KCNH7: variants seen among roughly 807,000 people sequenced by gnomAD.
The protein encoded by KCNH7 is voltage-gated inwardly rectifying potassium channel KCNH7.
Under a neutral mutation model 120.8 loss-of-function variants are expected in KCNH7, and 49 were observed. That is an observed-to-expected ratio of 0.41 (90% CI 0.32 to 0.51). The LOEUF (loss-of-function observed/expected upper bound fraction) is 0.51. Ranked by LOEUF, KCNH7 falls within the 20% of genes least tolerant of loss-of-function variation. The probability of loss-of-function intolerance (pLI) is 0.38; values close to 1 mark genes in which losing one functional copy is unlikely to be tolerated. For synonymous variants in KCNH7, 547 were observed against 516.1 expected, an observed-to-expected ratio of 1.06 and a Z score of -0.81; for missense variants, 1,097 against 1,446.6, an observed-to-expected ratio of 0.76 and a Z score of 3.92.
chr2:162,509,723 C>T (rs1049754865), intron 5 of KCNH7, among the ~76,000 whole-genome samples: 2 of 151,582 alleles, frequency 1.3e-5, no homozygotes, highest in Non-Finnish European at 3.0e-5. Flanking sequence ...ATGGCCAAGG[C>T]AGCCTATGAG....
chr2:162,525,612 T>C (rs1691673894), intron 3 of KCNH7, among the ~76,000 whole-genome samples: 1 of 152,030 alleles, frequency 6.6e-6, no homozygotes, highest in Non-Finnish European at 1.5e-5. Context: ...ATACCCATAC[T>C]TTCTTTTTGA....
intron 2 of KCNH7, among the ~76,000 whole-genome samples, chr2:162,553,465 T>G (rs1460280030): frequency 6.6e-6 from 1 of 151,922 alleles, no homozygotes; most frequent in East Asian, 1.9e-4. Context: ...CTGGCTAACA[T>G]GGTGAAACCC....
chr2:162,374,842 G>A (rs967176784), intron 14 of KCNH7, among the ~76,000 whole-genome samples: 5 of 151,856 alleles, frequency 3.3e-5, no homozygotes, highest in African/African-American at 1.2e-4. Flanking sequence ...TAAACCAATA[G>A]CTATGAATGA....
chr2:162,726,931 TA>T (rs933203653), intron 2 of KCNH7, among the ~76,000 whole-genome samples: 2 of 152,190 alleles, frequency 1.3e-5, no homozygotes, highest in Non-Finnish European at 2.9e-5. Context: ...TGGGAAGTGG[TA>T]CATAAGAACT....
intron 2 of KCNH7, among the ~76,000 whole-genome samples, chr2:162,695,220 G>A (rs1176440456): frequency 2.0e-5 from 3 of 152,254 alleles, no homozygotes; most frequent in African/African-American, 7.2e-5. Flanking sequence ...AGTTGGAAAC[G>A]TATCGGTTGG....
chr2:162,372,982 T>C (rs1422681067), intron 15 of KCNH7, among the ~76,000 whole-genome samples: 1 of 152,184 alleles, frequency 6.6e-6, no homozygotes, highest in African/African-American at 2.4e-5. Flanking sequence ...ACTAGTCTGA[T>C]GGCATTTGAA....
At chr2:162,744,643 G>A (rs974342239) in intron 2 of KCNH7, among the ~76,000 whole-genome samples, 3 of 141,812 alleles carry the variant, frequency 2.1e-5, no homozygotes, top group African/African-American at 7.9e-5. Flanking sequence ...CGTGATCTCC[G>A]CTTACTGCAA....
At chr2:162,804,619 C>T (rs1167626423) in intron 2 of KCNH7, among the ~76,000 whole-genome samples, 2 of 151,940 alleles carry the variant, frequency 1.3e-5, no homozygotes, top group Admixed American at 6.6e-5. Flanking sequence ...AATGGAAACA[C>T]AACCCATGCT....
At chr2:162,437,239 C>G (rs1688270318) in intron 7 of KCNH7, among the ~76,000 whole-genome samples, 2 of 151,990 alleles carry the variant, frequency 1.3e-5, no homozygotes, top group African/African-American at 2.4e-5. Context: ...GTATTGGAAC[C>G]CTTTAAAGTT....
intron 2 of KCNH7, among the ~76,000 whole-genome samples, chr2:162,773,029 G>A (rs889747277): frequency 4.6e-5 from 7 of 152,168 alleles, no homozygotes; most frequent in African/African-American, 1.7e-4. Flanking sequence ...CAAATGATAA[G>A]TTCACCTCAA....
At chr2:162,400,913 A>T (rs1169485595) in intron 9 of KCNH7, among the ~76,000 whole-genome samples, 1 of 151,980 alleles carries the variant, frequency 6.6e-6, no homozygotes, top group Non-Finnish European at 1.5e-5. Context: ...ACCCTGAAAT[A>T]GTCATGGTAT....
Position 162,406,509 on chromosome 2 carries a change from C to T in KCNH7, c.2155-6068G>A, listed in dbSNP as rs536281926. ...TGACTTTGGCGGCTGTGATAACTGA[C>T]ATTAGGAAATTTTCTAGGGAAATTT... is the stretch of plus-strand genomic sequence containing the variant. On this transcript the variant is annotated intron_variant, in intron 9 of 15. Coordinates refer to ENST00000332142, the MANE Select transcript of KCNH7 (RefSeq NM_033272.4). Among the ~76,000 whole-genome samples, 4 of 151,948 alleles carry T rather than the reference C, an allele frequency of 2.6e-5. No homozygotes were observed. The South Asian group carries it at 8.3e-4, about 32-fold the overall frequency.
intron 2 of KCNH7, among the ~76,000 whole-genome samples, chr2:162,642,392 T>C (rs1684191830): frequency 6.6e-6 from 1 of 152,212 alleles, no homozygotes; most frequent in Admixed American, 6.5e-5. Flanking sequence ...GTACAGCCCT[T>C]AAGTTAATTC....
intron 2 of KCNH7, among the ~76,000 whole-genome samples, chr2:162,809,145 CAT>C (rs1684646904): frequency 6.6e-6 from 1 of 152,164 alleles, no homozygotes; most frequent in African/African-American, 2.4e-5. Flanking sequence ...GACAACATAA[CAT>C]TAAATATATA....
chr2:162,464,718 C>A (rs1395553133), intron 6 of KCNH7, among the ~76,000 whole-genome samples: 1 of 151,978 alleles, frequency 6.6e-6, no homozygotes, highest in Non-Finnish European at 1.5e-5. Flanking sequence ...TGTGACAGTT[C>A]ATCAAATTTT....
chr2:162,486,985 T>C (rs755666762), intron 6 of KCNH7, among the ~76,000 whole-genome samples: 2 of 152,204 alleles, frequency 1.3e-5, no homozygotes, highest in Non-Finnish European at 2.9e-5. Context: ...GGGAGACAAG[T>C]ATTCTGCAAG....
intron 6 of KCNH7, among the ~76,000 whole-genome samples, chr2:162,456,578 G>T (rs781282362): frequency 6.6e-6 from 1 of 151,828 alleles, no homozygotes; most frequent in Non-Finnish European, 1.5e-5. Context: ...TTTGTGTCTC[G>T]ATCTGTCTAA....
chr2:162,788,813 C>T (rs906134633), intron 2 of KCNH7, among the ~76,000 whole-genome samples: 3 of 151,730 alleles, frequency 2.0e-5, no homozygotes, highest in Non-Finnish European at 4.4e-5. Context: ...AAGAGATCGT[C>T]ACTGAGACAT....
At chr2:162,653,003 T>G (rs532283169) in intron 2 of KCNH7, among the ~76,000 whole-genome samples, 1 of 152,290 alleles carries the variant, frequency 6.6e-6, no homozygotes, top group South Asian at 2.1e-4. Flanking sequence ...AGGCCTTACT[T>G]TTTCTCATCT....
Sources: allele counts gnomAD v4.1 joint callset (sites outside exome capture counted in the v4.1 genomes callset), GRCh38; gene constraint gnomAD v4.1.1; transcripts MANE v1.5; gene names NCBI Gene and HGNC (gene_info 2026-07-23, HGNC 2026-07-21).